The following ARHGAP44 variants were observed in gnomAD, a reference collection of about 807,000 sequenced individuals.
ARHGAP44 encodes the protein rho GTPase-activating protein 44.
A neutral mutation model predicts 106.8 loss-of-function variants in ARHGAP44; 43 were observed. The observed-to-expected ratio is 0.40, with a 90% CI of 0.32 to 0.52. The LOEUF (loss-of-function observed/expected upper bound fraction) is 0.52, where lower values mean the gene tolerates loss of function less well. ARHGAP44 is among the 20% of genes least tolerant of loss of function. ARHGAP44 has a pLI of 0.48. For synonymous variants in ARHGAP44, 439 were observed against 410.3 expected (o/e 1.07, Z -0.85); for missense variants, 866 against 1,050.5 (o/e 0.82, Z 2.43).
chr17:12,916,739 A>T (rs2150951193), intron 5 of ARHGAP44, among the ~76,000 whole-genome samples: 1 of 152,294 alleles, frequency 6.6e-6, no homozygotes, highest in South Asian at 2.1e-4. Context: ...ACACTCAATT[A>T]AACTATTTTA....
chr17:12,797,607 G>A (rs770053758), intron 1 of ARHGAP44, among the ~76,000 whole-genome samples: 11 of 152,212 alleles, frequency 7.2e-5, no homozygotes, highest in African/African-American at 2.6e-4. Context: ...GCTTCAACCC[G>A]GGCCATTCCT....
Position 12,821,252 on chromosome 17 carries a change from A to C in ARHGAP44, c.53+31361A>C, listed in dbSNP as rs141487676. Among the ~76,000 whole-genome samples, 776 of 152,294 alleles carry C rather than the reference A, an allele frequency of 5.1e-3. 8 individuals carry two copies. The highest frequency in any genetic ancestry group is 0.017 in the African/African-American group (716 of 41,568). ...ACGTGGGCATGGGGATGAGTAAGGG[A>C]TGTGTTGTCTTCAGGTGTTTCCATT... is the stretch of plus-strand genomic sequence containing the variant. On this transcript the variant is annotated intron_variant, in intron 1 of 20. Coordinates refer to ENST00000379672, the MANE Select transcript of ARHGAP44 (RefSeq NM_014859.6).
intron 1 of ARHGAP44, among the ~76,000 whole-genome samples, chr17:12,830,746 T>A (rs1166485858): frequency 6.6e-6 from 1 of 152,116 alleles, no homozygotes; most frequent in Non-Finnish European, 1.5e-5. Context: ...TGTTATTATT[T>A]TTTTTCCTTT....
chr17:12,852,075 A>G (rs542882456), intron 1 of ARHGAP44, among the ~76,000 whole-genome samples: 2 of 150,150 alleles, frequency 1.3e-5, no homozygotes, highest in East Asian at 2.1e-4. Context: ...GAAATGACCC[A>G]TTTGTTCCTT....
chr17:12,929,975 CAG>C (rs752408636), intron 7 of ARHGAP44, among the ~76,000 whole-genome samples: 9 of 152,162 alleles, frequency 5.9e-5, no homozygotes, highest in African/African-American at 1.2e-4. Flanking sequence ...CATTCAGAAT[CAG>C]GGAGAATTTC....
At chr17:12,830,629 A>G (rs2035059167) in intron 1 of ARHGAP44, among the ~76,000 whole-genome samples, 1 of 152,192 alleles carries the variant, frequency 6.6e-6, no homozygotes, top group South Asian at 2.1e-4. Context: ...TAGGCAAGTC[A>G]TTTTATCCTG....
chr17:12,897,047 A>G (rs2037226499), intron 3 of ARHGAP44, among the ~76,000 whole-genome samples: 1 of 152,224 alleles, frequency 6.6e-6, no homozygotes, highest in South Asian at 2.1e-4. Context: ...CATTAGAAAT[A>G]ACAGGCATTG....
chr17:12,861,737 C>T (rs976173892), intron 1 of ARHGAP44, among the ~76,000 whole-genome samples: 7 of 147,320 alleles, frequency 4.8e-5, no homozygotes, highest in Non-Finnish European at 9.0e-5. Context: ...TGGGTTCAAG[C>T]GATTCTCCTG....
intron 1 of ARHGAP44, among the ~76,000 whole-genome samples, chr17:12,844,314 G>C (rs747963060): frequency 6.6e-6 from 1 of 152,160 alleles, no homozygotes. Context: ...CCTTCTTGCT[G>C]CATCATAACA....
intron 17 of ARHGAP44, chr17:12,973,859 G>A: frequency 6.8e-6 from 4 of 589,468 alleles, no homozygotes; most frequent in Non-Finnish European, 1.2e-5. Context: ...CCTTGCCTCA[G>A]TGAGGGGGCC....
chr17:12,872,123 A>G (rs909411385), intron 1 of ARHGAP44, among the ~76,000 whole-genome samples: 5 of 152,138 alleles, frequency 3.3e-5, no homozygotes, highest in Non-Finnish European at 7.4e-5. Flanking sequence ...AAAGTATTCA[A>G]TTGTCTGTGA....
At chr17:12,963,779 G>C (rs960280225) in intron 16 of ARHGAP44, among the ~76,000 whole-genome samples, 1 of 152,078 alleles carries the variant, frequency 6.6e-6, no homozygotes, top group Non-Finnish European at 1.5e-5. Context: ...ACCATGCTAA[G>C]TTTTAGGGTA....
At position 12,915,996 on chromosome 17, in the gene ARHGAP44, G is replaced by C; in HGVS notation, c.372G>C (p.Leu124=). The C allele has an allele frequency of 6.2e-7, 1 of 1,613,888 alleles. No homozygotes were observed. Among genetic ancestry groups the C allele is most frequent in the South Asian group, 1.1e-5 (1 of 91,046 alleles). Residue 124 remains leucine (L), a synonymous_variant, in exon 5 of 21, where the codon CTG becomes CTC. Transcript: ENST00000379672. Reference sequence around the variant, plus strand: ...TAGAGAGAGACGTGATTGAGCCCCTGTTTTTGCTGGCGGAGGTAAGCAGCA... The same window carrying C: ...TAGAGAGAGACGTGATTGAGCCCCTCTTTTTGCTGGCGGAGGTAAGCAGCA... The part of the protein sequence containing the change: ...LQVERDVIEP[L]FLLAEVEIPN...
At chr17:12,977,256 A>G (rs1248850917) in intron 18 of ARHGAP44, among the ~76,000 whole-genome samples, 1 of 151,836 alleles carries the variant, frequency 6.6e-6, no homozygotes, top group Non-Finnish European at 1.5e-5. Context: ...CTCTCCCCGC[A>G]TGGGTTTCTC....
intron 16 of ARHGAP44, 134 bp from the exon 17 acceptor site, chr17:12,973,168 T>G: frequency 1.2e-6 from 1 of 866,226 alleles, no homozygotes; most frequent in Non-Finnish European, 1.8e-6. Flanking sequence ...TTGTAATAAT[T>G]TTATAGCACA....
intron 1 of ARHGAP44, among the ~76,000 whole-genome samples, chr17:12,805,516 C>T (rs1380726209): frequency 6.6e-6 from 1 of 152,080 alleles, no homozygotes; most frequent in African/African-American, 2.4e-5. Context: ...TCTGTACTAA[C>T]AAGAATCTGA....
intron 7 of ARHGAP44, among the ~76,000 whole-genome samples, chr17:12,936,298 A>G (rs374606346): frequency 6.6e-6 from 1 of 152,192 alleles, no homozygotes; most frequent in African/African-American, 2.4e-5. Context: ...ATCCACCATT[A>G]TAGTATCCTA....
intron 6 of ARHGAP44, among the ~76,000 whole-genome samples, chr17:12,927,602 A>G (rs2038285062): frequency 6.6e-6 from 1 of 152,184 alleles, no homozygotes; most frequent in African/African-American, 2.4e-5. Context: ...GGGAGAGTTC[A>G]CATAACAATT....
chr17:12,876,466 C>T (rs545459069), intron 1 of ARHGAP44, among the ~76,000 whole-genome samples: 6 of 152,216 alleles, frequency 3.9e-5, no homozygotes, highest in East Asian at 1.9e-4. Flanking sequence ...ACAAATCCTG[C>T]GTACACATTA....
Sources: gnomAD v4.1 joint callset for allele counts (sites outside exome capture counted in the v4.1 genomes callset) on GRCh38, gnomAD v4.1.1 for gene constraint, MANE v1.5 for transcripts, NCBI Gene and HGNC (gene_info 2026-07-23, HGNC 2026-07-21) for gene names.